MAST4: variants seen among roughly 807,000 people sequenced by gnomAD.
MAST4 encodes microtubule associated serine/threonine kinase family member 4.
A neutral mutation model predicts 162.7 loss-of-function variants in MAST4; 89 were observed. That is an observed-to-expected ratio of 0.55 (90% CI 0.46 to 0.65). The LOEUF (loss-of-function observed/expected upper bound fraction) is 0.65, where lower values mean the gene tolerates loss of function less well. Among genes scored for constraint, MAST4 ranks in the 30% least tolerant of loss-of-function variants. MAST4 has a pLI of 0.00. For synonymous variants in MAST4, 1,479 were observed against 1,361.1 expected (o/e 1.09, Z -1.91); for missense variants, 3,153 against 3,374.0 (o/e 0.93, Z 1.62).
At chr5:67,128,130 C>A (rs981551673) in intron 14 of MAST4, among the ~76,000 whole-genome samples, 4 of 152,160 alleles carry the variant, frequency 2.6e-5, no homozygotes, top group African/African-American at 9.7e-5. Flanking sequence ...TTTATTAAGA[C>A]TTTCTAAAAC....
intron 4 of MAST4, among the ~76,000 whole-genome samples, chr5:66,962,536 C>A (rs1399949923): frequency 6.6e-6 from 1 of 152,104 alleles, no homozygotes; most frequent in African/African-American, 2.4e-5. Flanking sequence ...CTTGAAACCC[C>A]ATCTCTACAA....
intron 4 of MAST4, among the ~76,000 whole-genome samples, chr5:66,933,624 C>T (rs1020241929): frequency 6.6e-6 from 1 of 152,166 alleles, no homozygotes; most frequent in Non-Finnish European, 1.5e-5. Context: ...AAATCTTAGG[C>T]TTCTTGTGGT....
In MAST4 at chr5:66,917,606, T is replaced by TTTC. The variant is rs1554068099; in HGVS notation, c.674+17625_674+17626insTCT. On this transcript the variant is annotated intron_variant, in intron 4 of 28. Transcript: ENST00000403625. ...TAGGATTCTCTTTCTTTTTTTTTTT[T>TTTC]TCCCTAGATGGATGACCAGTTACTT... 4.1e-4 allele frequency among the ~76,000 whole-genome samples: 62 copies of TTTC among 149,714 alleles called. 1 individual carries two copies. The highest frequency in any genetic ancestry group is 2.1e-3 in the Admixed American group (32 of 15,070).
intron 1 of MAST4, among the ~76,000 whole-genome samples, chr5:66,607,147 C>T (rs922032583): frequency 1.3e-5 from 2 of 152,128 alleles, no homozygotes; most frequent in Non-Finnish European, 2.9e-5. Flanking sequence ...GATCATCAAG[C>T]CTCTTGGTCA....
chr5:66,651,267 T>C (rs760153643), intron 1 of MAST4, among the ~76,000 whole-genome samples: 8 of 152,068 alleles, frequency 5.3e-5, no homozygotes, highest in Non-Finnish European at 1.2e-4. Flanking sequence ...AGTCTGAATT[T>C]TTACTCTCCA....
chr5:66,608,834 T>G (rs1743083195), intron 1 of MAST4, among the ~76,000 whole-genome samples: 1 of 152,106 alleles, frequency 6.6e-6, no homozygotes, highest in African/African-American at 2.4e-5. Context: ...AACGCGAGTC[T>G]TCTTCTCAGT....
intron 14 of MAST4, among the ~76,000 whole-genome samples, chr5:67,129,591 G>A: frequency 6.6e-6 from 1 of 151,946 alleles, no homozygotes; most frequent in East Asian, 1.9e-4. Context: ...GGGCATGGTG[G>A]CGTGCACCTG....
At chr5:66,645,081 C>G (rs1745741314) in intron 1 of MAST4, among the ~76,000 whole-genome samples, 1 of 151,940 alleles carries the variant, frequency 6.6e-6, no homozygotes, top group Non-Finnish European at 1.5e-5. Context: ...GTGTCTGTTT[C>G]TTTTTGAAGG....
chr5:66,845,373 G>T (rs1222608342), intron 3 of MAST4, among the ~76,000 whole-genome samples: 1 of 151,570 alleles, frequency 6.6e-6, no homozygotes, highest in Non-Finnish European at 1.5e-5. Flanking sequence ...GCAGTGTTTG[G>T]TTTTTTGTCC....
Position 66,621,755 on chromosome 5 carries a change from ACAAAG to A in MAST4, c.363+24741_363+24745del, listed in dbSNP as rs963824011. ...ACTGGCACTGGGAATACAGTAATGAACAAAGCAAGCAAAAGTCCCTGGTCTCATGG... is the reference window on the plus strand; with the variant it reads ...ACTGGCACTGGGAATACAGTAATGAACAAGCAAAAGTCCCTGGTCTCATGG... On this transcript the variant is annotated intron_variant, in intron 1 of 28. Coordinates refer to ENST00000403625, the MANE Select transcript of MAST4 (RefSeq NM_001164664.2). 6.6e-5 allele frequency among the ~76,000 whole-genome samples: 10 copies of A among 152,320 alleles called. 1 individual carries two copies. The highest frequency in any genetic ancestry group is 2.4e-4 in the African/African-American group (10 of 41,562).
intron 5 of MAST4, among the ~76,000 whole-genome samples, chr5:67,058,680 T>C (rs1050913374): frequency 1.3e-5 from 2 of 152,252 alleles, no homozygotes; most frequent in African/African-American, 4.8e-5. Context: ...TGTCATTTCA[T>C]GTGCATCTGT....
At chr5:66,927,713 A>T (rs1457016703) in intron 4 of MAST4, among the ~76,000 whole-genome samples, 5 of 152,334 alleles carry the variant, frequency 3.3e-5, no homozygotes, top group Non-Finnish European at 7.4e-5. Context: ...GTGCTTGAAG[A>T]TGCGCCATCT....
At chr5:66,795,233 A>G (rs1003194776) in intron 3 of MAST4, among the ~76,000 whole-genome samples, 2 of 152,238 alleles carry the variant, frequency 1.3e-5, no homozygotes, top group African/African-American at 2.4e-5. Flanking sequence ...ACATTTCTCT[A>G]TTGCCATTAT....
chr5:67,153,354 G>A, intron 25 of MAST4, 104 bp from the exon 26 acceptor site: 1 of 1,217,498 alleles, frequency 8.2e-7, no homozygotes. Flanking sequence ...TCTATTAGAG[G>A]CTTAGGACAT....
At chr5:67,007,963 A>G (rs996380403) in intron 4 of MAST4, among the ~76,000 whole-genome samples, 1 of 152,258 alleles carries the variant, frequency 6.6e-6, no homozygotes, top group Non-Finnish European at 1.5e-5. Flanking sequence ...CCCTTGTGCT[A>G]CGTCCCAAGG....
chr5:66,694,785 C>T (rs778554561), intron 1 of MAST4, among the ~76,000 whole-genome samples: 14 of 152,208 alleles, frequency 9.2e-5, no homozygotes, highest in Non-Finnish European at 2.1e-4. Context: ...CCACGCCCAG[C>T]CAATCTTGAG....
chr5:66,791,961 A>T (rs1165445384), intron 3 of MAST4, among the ~76,000 whole-genome samples: 1 of 152,118 alleles, frequency 6.6e-6, no homozygotes, highest in Non-Finnish European at 1.5e-5. Flanking sequence ...TTGACGTGTC[A>T]CTCAAGTACA....
At chr5:66,714,749 T>C (rs1170419863) in intron 1 of MAST4, among the ~76,000 whole-genome samples, 1 of 152,268 alleles carries the variant, frequency 6.6e-6, no homozygotes, top group Non-Finnish European at 1.5e-5. Context: ...GAATTGTTGC[T>C]TTGCCGCACA....
At chr5:66,781,482 C>T (rs1561326552) in intron 2 of MAST4, among the ~76,000 whole-genome samples, 2 of 152,222 alleles carry the variant, frequency 1.3e-5, no homozygotes, top group Non-Finnish European at 2.9e-5. Context: ...TGCCATTGTT[C>T]TTTTTGTTTC....
Sources: gnomAD v4.1 joint callset for allele counts (sites outside exome capture counted in the v4.1 genomes callset) on GRCh38, gnomAD v4.1.1 for gene constraint, MANE v1.5 for transcripts, NCBI Gene and HGNC (gene_info 2026-07-23, HGNC 2026-07-21) for gene names.